The following XKR6 variants were observed in gnomAD, a reference collection of about 807,000 sequenced individuals.
XKR6 encodes XK-related protein 6.
XKR6 carries 22 observed loss-of-function variants against 56.7 expected under a neutral mutation model. The observed-to-expected ratio is 0.39, with a 90% CI of 0.28 to 0.55. The LOEUF is 0.55. Ranked by LOEUF, XKR6 falls within the 20% of genes least tolerant of loss-of-function variation. The pLI, the probability that XKR6 is intolerant of heterozygous loss-of-function variation, is 0.66. For synonymous variants in XKR6, 524 were observed against 387.8 expected (o/e 1.35, Z -4.13); for missense variants, 852 against 889.0 (o/e 0.96, Z 0.53).
intron 1 of XKR6, among the ~76,000 whole-genome samples, chr8:11,019,444 C>T (rs1231149160): frequency 2.0e-5 from 3 of 152,258 alleles, no homozygotes; most frequent in Non-Finnish European, 4.4e-5. Context: ...TCCATCCCAC[C>T]TCTTCAGAGC....
Position 11,015,726 on chromosome 8 carries a change from G to A in XKR6, c.765-90896C>T, listed in dbSNP as rs1030536782. Among the ~76,000 whole-genome samples the A allele has an allele frequency of 2.0e-5, 3 of 152,332 alleles. No homozygotes were observed. The East Asian group carries it at 5.8e-4, about 29-fold the overall frequency. ...AGCGAGGGAGCAGAGAAAGCCGGGG[G>A]CGGGCTCGGGGTAAGACAGGAAGGG... On this transcript the variant is annotated intron_variant, in intron 1 of 2. Coordinates refer to ENST00000416569, the MANE Select transcript of XKR6 (RefSeq NM_173683.4).
intron 1 of XKR6, among the ~76,000 whole-genome samples, chr8:10,978,543 G>A (rs970481145): frequency 6.6e-6 from 1 of 152,116 alleles, no homozygotes; most frequent in South Asian, 2.1e-4. Context: ...TTTTTATTAG[G>A]GTCTCGTGCA....
rs1043563609 is a variant in XKR6, at chr8:10,943,400, C to T, written c.765-18570G>A. Among the ~76,000 whole-genome samples the T allele has an allele frequency of 4.6e-5, 7 of 152,124 alleles. No homozygotes were observed. The East Asian group carries it at 7.7e-4, about 17-fold the overall frequency. On this transcript the variant is annotated intron_variant, in intron 1 of 2. Transcript: ENST00000416569. ...GATTTCAGTCTCCCATGGTTGACTCCGACCTGCCTTCTCGCCTGTTCCCCA... is the reference window on the plus strand; with the variant it reads ...GATTTCAGTCTCCCATGGTTGACTCTGACCTGCCTTCTCGCCTGTTCCCCA...
chr8:11,115,321 C>T (rs1799121033), intron 1 of XKR6, among the ~76,000 whole-genome samples: 1 of 152,144 alleles, frequency 6.6e-6, no homozygotes, highest in African/African-American at 2.4e-5. Context: ...ATGCCTCAGG[C>T]TATTTTGAAA....
intron 1 of XKR6, among the ~76,000 whole-genome samples, chr8:10,977,990 G>A (rs1802618399): frequency 6.6e-6 from 1 of 152,036 alleles, no homozygotes; most frequent in African/African-American, 2.4e-5. Flanking sequence ...CAGCTTTCAG[G>A]TTTTTGCTCT....
chr8:11,014,876 G>A (rs73541224), intron 1 of XKR6, among the ~76,000 whole-genome samples: 4,804 of 152,198 alleles, frequency 0.032, 242 homozygotes, highest in African/African-American at 0.11. Context: ...AGACAAGATG[G>A]ACCCACACTG....
At chr8:11,111,276 A>C (rs1409284643) in intron 1 of XKR6, among the ~76,000 whole-genome samples, 1 of 152,128 alleles carries the variant, frequency 6.6e-6, no homozygotes, top group East Asian at 1.9e-4. Context: ...TCATTCAGCC[A>C]ATAATAGAAG....
chr8:10,949,520 A>C (rs1801655801), intron 1 of XKR6, among the ~76,000 whole-genome samples: 1 of 152,196 alleles, frequency 6.6e-6, no homozygotes, highest in African/African-American at 2.4e-5. Flanking sequence ...CTGTTCCTAG[A>C]ACAGTCACCT....
chr8:10,976,184 A>C (rs1312231392), intron 1 of XKR6, among the ~76,000 whole-genome samples: 1 of 143,052 alleles, frequency 7.0e-6, no homozygotes, highest in Non-Finnish European at 1.5e-5. Flanking sequence ...TCAAGAAAAA[A>C]AAAAAGTGCC....
chr8:11,147,046 A>G (rs1026737477), intron 1 of XKR6, among the ~76,000 whole-genome samples: 1 of 151,968 alleles, frequency 6.6e-6, no homozygotes, highest in Non-Finnish European at 1.5e-5. Context: ...TATACTTAAA[A>G]TTTGCTAAGA....
rs529165953 is a variant in XKR6, at chr8:10,946,738, C to T, written c.765-21908G>A. ...GTAGGCACAGGGGACCCAGCATGGT[C>T]CCTGCCCTCATGCTGTTCACAGACC... On this transcript the variant is annotated intron_variant, in intron 1 of 2. Coordinates refer to ENST00000416569, the MANE Select transcript of XKR6 (RefSeq NM_173683.4). Among the ~76,000 whole-genome samples, 8 of 152,248 alleles carry T rather than the reference C, an allele frequency of 5.3e-5. No individual in the cohort carries two copies. In the South Asian group the frequency reaches 1.5e-3, roughly 28 times the overall value.
At chr8:11,093,300 C>T (rs1798144488) in intron 1 of XKR6, among the ~76,000 whole-genome samples, 2 of 152,206 alleles carry the variant, frequency 1.3e-5, no homozygotes, top group South Asian at 4.1e-4. Context: ...GGTGATCCGC[C>T]CACCTCGGCC....
At chr8:11,171,530 T>G (rs4840551) in intron 1 of XKR6, among the ~76,000 whole-genome samples, 89,021 of 151,772 alleles carry the variant, frequency 0.59, 29,487 homozygotes, top group African/African-American at 0.88. Flanking sequence ...TATAGGGAGT[T>G]AATTCTTACT....
At chr8:11,062,442 A>G (rs1799859834) in intron 1 of XKR6, among the ~76,000 whole-genome samples, 1 of 152,146 alleles carries the variant, frequency 6.6e-6, no homozygotes. Context: ...CCCTAGTAAG[A>G]TCTTATAAAT....
intron 1 of XKR6, among the ~76,000 whole-genome samples, chr8:11,171,006 G>T (rs951170057): frequency 1.3e-5 from 2 of 152,164 alleles, no homozygotes; most frequent in African/African-American, 4.8e-5. Flanking sequence ...TAGCAATCTT[G>T]AATTCTTGAC....
intron 1 of XKR6, among the ~76,000 whole-genome samples, chr8:10,982,033 G>A (rs541639160): frequency 3.3e-5 from 5 of 152,318 alleles, no homozygotes; most frequent in East Asian, 3.9e-4. Context: ...TGTGATCACC[G>A]CAGAAGCCTT....
At chr8:11,180,647 G>C (rs1218850507) in intron 1 of XKR6, among the ~76,000 whole-genome samples, 1 of 152,212 alleles carries the variant, frequency 6.6e-6, no homozygotes, top group East Asian at 1.9e-4. Flanking sequence ...GCTCACACCT[G>C]CAATCCCAGG....
intron 1 of XKR6, among the ~76,000 whole-genome samples, chr8:11,006,057 T>C (rs924681290): frequency 2.6e-5 from 4 of 152,130 alleles, no homozygotes; most frequent in African/African-American, 7.2e-5. Context: ...GTGGCCAGGC[T>C]GGTCTCGAAC....
chr8:11,148,393 A>T (rs573004998), intron 1 of XKR6, among the ~76,000 whole-genome samples: 5 of 152,320 alleles, frequency 3.3e-5, no homozygotes, highest in African/African-American at 1.2e-4. Context: ...CTGCAAGCCA[A>T]GAAGAGGGGC....
Sources: allele counts gnomAD v4.1 joint callset (sites outside exome capture counted in the v4.1 genomes callset), GRCh38; gene constraint gnomAD v4.1.1; transcripts MANE v1.5; gene names NCBI Gene and HGNC (gene_info 2026-07-23, HGNC 2026-07-21).